SLC8A1: variants seen among roughly 807,000 people sequenced by gnomAD.
SLC8A1 encodes sodium/calcium exchanger 1.
In SLC8A1, 18 loss-of-function variants were observed where a neutral mutation model predicts 68.3. That is an observed-to-expected ratio of 0.26 (90% CI 0.18 to 0.39). SLC8A1 has a LOEUF of 0.39. SLC8A1 is among the 10% of genes least tolerant of loss of function. SLC8A1 has a pLI of 1.00. For synonymous variants in SLC8A1, 475 were observed against 415.5 expected, an observed-to-expected ratio of 1.14 and a Z score of -1.74; for missense variants, 985 against 1,156.7, an observed-to-expected ratio of 0.85 and a Z score of 2.15.
chr2:40,285,769 C>T (rs940752459), intron 2 of SLC8A1, among the ~76,000 whole-genome samples: 6 of 152,104 alleles, frequency 3.9e-5, no homozygotes, highest in African/African-American at 1.2e-4. Context: ...TGGTTTTTAA[C>T]AACAAAATAA....
chr2:40,345,785 G>A (rs1379452478), intron 2 of SLC8A1, among the ~76,000 whole-genome samples: 1 of 152,028 alleles, frequency 6.6e-6, no homozygotes, highest in African/African-American at 2.4e-5. Context: ...ATAAGTGGGA[G>A]TTGAACAATG....
At chr2:40,388,183 G>A (rs1280406965) in intron 2 of SLC8A1, among the ~76,000 whole-genome samples, 1 of 152,080 alleles carries the variant, frequency 6.6e-6, no homozygotes, top group East Asian at 1.9e-4. Context: ...CCGCTTTAGG[G>A]ATTAGGGCAG....
chr2:40,357,079 G>T (rs539911005), intron 2 of SLC8A1, among the ~76,000 whole-genome samples: 1 of 152,324 alleles, frequency 6.6e-6, no homozygotes, highest in South Asian at 2.1e-4. Context: ...TGTAGATATA[G>T]TAGGGTAGGA....
intron 2 of SLC8A1, among the ~76,000 whole-genome samples, chr2:40,243,940 G>A (rs1457559698): frequency 6.6e-6 from 1 of 152,158 alleles, no homozygotes; most frequent in Admixed American, 6.5e-5. Context: ...AACGTAAGAG[G>A]AAAAGTGGGC....
At chr2:40,360,575 A>G (rs916077298) in intron 2 of SLC8A1, among the ~76,000 whole-genome samples, 1 of 152,104 alleles carries the variant, frequency 6.6e-6, no homozygotes, top group Non-Finnish European at 1.5e-5. Flanking sequence ...ATTCTCAGCA[A>G]CCCTACAGGA....
intron 2 of SLC8A1, among the ~76,000 whole-genome samples, chr2:40,333,820 G>A (rs552035060): frequency 2.6e-4 from 39 of 152,240 alleles, no homozygotes; most frequent in Non-Finnish European, 4.1e-4. Flanking sequence ...GAGCTAAGGC[G>A]GGTGGATCTC....
At chr2:40,337,053 A>G (rs1666192676) in intron 2 of SLC8A1, among the ~76,000 whole-genome samples, 1 of 152,174 alleles carries the variant, frequency 6.6e-6, no homozygotes, top group Admixed American at 6.5e-5. Context: ...CTAGAAGCCA[A>G]CCAATTTTTC....
At chr2:40,115,995 G>C (rs540088585) in intron 7 of SLC8A1, among the ~76,000 whole-genome samples, 1 of 152,314 alleles carries the variant, frequency 6.6e-6, no homozygotes, top group African/African-American at 2.4e-5. Flanking sequence ...AGTATTGCAA[G>C]GTGCCATGCG....
upstream of SLC8A1, among the ~76,000 whole-genome samples, chr2:40,453,860 G>C (rs891355996): frequency 6.6e-6 from 1 of 152,198 alleles, no homozygotes; most frequent in African/African-American, 2.4e-5. Context: ...AGTCGGGTCT[G>C]TTGCCAGCAG....
At position 40,339,499 on chromosome 2, in the gene SLC8A1, A is replaced by C. The variant is rs1029694693; in HGVS notation, c.1808+88974T>G. On this transcript the variant is annotated intron_variant, in intron 2 of 7. Coordinates refer to ENST00000406785, the Ensembl canonical transcript of SLC8A1. ...CACTTGGTTTTAGAACTTGTTCTAG[A>C]AACATATATTCTACCATTTTCACTG... 3.9e-5 allele frequency among the ~76,000 whole-genome samples: 6 copies of C among 152,206 alleles called. No homozygotes were observed. In the East Asian group the frequency reaches 1.2e-3, roughly 29 times the overall value.
intron 2 of SLC8A1, among the ~76,000 whole-genome samples, chr2:40,238,387 CCT>C (rs2060725987): frequency 6.6e-6 from 1 of 152,192 alleles, no homozygotes; most frequent in Non-Finnish European, 1.5e-5. Flanking sequence ...GTCCGTCACC[CCT>C]TTCTTTGACT....
intron 2 of SLC8A1, among the ~76,000 whole-genome samples, chr2:40,212,430 G>A (rs945507150): frequency 2.0e-5 from 3 of 151,998 alleles, no homozygotes; most frequent in Non-Finnish European, 4.4e-5. Context: ...GACTACAGGT[G>A]TATGCCACCA....
exon 8 of SLC8A1, chr2:40,100,122 A>G (rs2033809175): frequency 1.3e-5 from 2 of 152,216 alleles, no homozygotes; most frequent in African/African-American, 2.4e-5. Flanking sequence ...AAACCACCAC[A>G]AAGGACACTG....
intron 2 of SLC8A1, among the ~76,000 whole-genome samples, chr2:40,221,030 G>T (rs971358780): frequency 6.6e-6 from 1 of 152,000 alleles, no homozygotes; most frequent in Admixed American, 6.6e-5. Flanking sequence ...ATTTTATGAG[G>T]CCAGCATCAT....
At position 40,429,095 on chromosome 2, in the gene SLC8A1, C is replaced by A. The variant is rs1697644726; in HGVS notation, c.1186G>T (p.Val396Phe). ...TCATTTTCAGTCACTTCAGTGTTGA[C>A]CTCGTGCATGCTGACAGCCTTCCTT... The change falls in exon 2 of 8, where the codon GTC becomes TTC. Residue 396 changes from valine to phenylalanine, a missense_variant. Coordinates refer to ENST00000406785, the Ensembl canonical transcript of SLC8A1. 4 of 1,612,966 alleles carry A rather than the reference C, an allele frequency of 2.5e-6. No individual in the cohort carries two copies. The South Asian group carries it at 4.4e-5, about 18-fold the overall frequency.
intron 2 of SLC8A1, among the ~76,000 whole-genome samples, chr2:40,252,784 ATATATATGTGTGTG>A (rs2062980374): frequency 1.4e-5 from 2 of 142,596 alleles, no homozygotes; most frequent in Non-Finnish European, 1.5e-5. Flanking sequence ...GTTAGCACAT[ATATATATGTGTGTG>A]TATATATGTA....
chr2:40,263,342 G>GA (rs1372967505), intron 2 of SLC8A1, among the ~76,000 whole-genome samples: 4 of 152,128 alleles, frequency 2.6e-5, no homozygotes, highest in African/African-American at 9.7e-5. Context: ...AATTCAATTG[G>GA]AAAAAACTAC....
chr2:40,370,954 G>A (rs1344513207), intron 2 of SLC8A1, among the ~76,000 whole-genome samples: 1 of 152,022 alleles, frequency 6.6e-6, no homozygotes, highest in East Asian at 1.9e-4. Context: ...GTTGCTATTT[G>A]AAGGTACCCC....
At chr2:40,466,299 T>G (rs1348241239) in intron 1 of SLC8A1, among the ~76,000 whole-genome samples, 1 of 152,162 alleles carries the variant, frequency 6.6e-6, no homozygotes, top group Non-Finnish European at 1.5e-5. Flanking sequence ...TAAGTCAATT[T>G]CAAAAATGAG....
Sources: allele counts gnomAD v4.1 joint callset (sites outside exome capture counted in the v4.1 genomes callset), GRCh38; gene constraint gnomAD v4.1.1; transcripts MANE v1.5; gene names NCBI Gene and HGNC (gene_info 2026-07-23, HGNC 2026-07-21).